The following SORBS2 variants were observed in gnomAD, a reference collection of about 807,000 sequenced individuals.
SORBS2 encodes sorbin and SH3 domain-containing protein 2.
A neutral mutation model predicts 97.7 loss-of-function variants in SORBS2; 46 were observed. The observed-to-expected ratio is 0.47, with a 90% CI of 0.37 to 0.60. The LOEUF is 0.60. SORBS2 is among the 20% of genes least tolerant of loss of function. SORBS2 has a pLI of 0.00. For missense variants in SORBS2, 1,316 were observed against 1,282.3 expected (o/e 1.03, Z -0.40); for synonymous variants, 476 against 473.4 (o/e 1.01, Z -0.07).
chr4:185,590,822 A>G (rs2095909564), intron 13 of SORBS2, among the ~76,000 whole-genome samples: 1 of 152,212 alleles, frequency 6.6e-6, no homozygotes, highest in Non-Finnish European at 1.5e-5. Flanking sequence ...AGTTAACATG[A>G]AAACTTCTTC....
intron 2 of SORBS2, among the ~76,000 whole-genome samples, chr4:185,700,930 GA>G (rs2098252184): frequency 1.3e-5 from 2 of 152,270 alleles, no homozygotes; most frequent in Non-Finnish European, 2.9e-5. Flanking sequence ...AAATAGGCAA[GA>G]AAAACAACAT....
At chr4:185,609,489 G>C (rs993857404) in intron 12 of SORBS2, among the ~76,000 whole-genome samples, 1 of 152,146 alleles carries the variant, frequency 6.6e-6, no homozygotes, top group Non-Finnish European at 1.5e-5. Context: ...ATGTCAGCAG[G>C]TTAAACTGCT....
intron 1 of SORBS2, among the ~76,000 whole-genome samples, chr4:185,783,922 G>A (rs538073696): frequency 6.6e-6 from 1 of 152,284 alleles, no homozygotes; most frequent in African/African-American, 2.4e-5. Context: ...AAGTCAAGTA[G>A]GTAAGAGGTG....
rs527302357 is a variant in SORBS2, at chr4:185,878,627, C to G, written c.-338+77569G>C. Among the ~76,000 whole-genome samples, 3 of 152,308 alleles carry G rather than the reference C, an allele frequency of 2.0e-5. No homozygotes were observed. The South Asian group carries it at 6.2e-4, about 32-fold the overall frequency. ...AAGCCTCCACTCAAGCGGATCTGGT[C>G]TCTGTCCTGGACCCCGGGATTCCTT... On this transcript the variant is annotated intron_variant, in intron 1 of 20. Transcript: ENST00000284776.
chr4:185,935,877 A>G (rs899833986), intron 1 of SORBS2, among the ~76,000 whole-genome samples: 1 of 152,102 alleles, frequency 6.6e-6, no homozygotes, highest in Admixed American at 6.5e-5. Context: ...TCTTTGTGAC[A>G]TGGTCTCACT....
chr4:185,868,147 C>CTTTCTTTCTTTTT (rs1288748201), intron 1 of SORBS2, among the ~76,000 whole-genome samples: 1,170 of 89,372 alleles, frequency 0.013, 159 homozygotes, highest in East Asian at 0.037. Context: ...CTTTTCTTTT[C>CTTTCTTTCTTTTT]TTTTTTTCTT....
Position 185,620,172 on chromosome 4 carries a change from A to G in SORBS2, c.2216-21T>C, listed in dbSNP as rs1011726694. On this transcript the variant is annotated intron_variant, in intron 7 of 14. Transcript: ENST00000418609. Reference sequence around the variant, plus strand: ...ACGGTCTATTGGAAAGAACAGGGCCAGTCATGGTGAGTATCCACTTAATTA... The same window carrying G: ...ACGGTCTATTGGAAAGAACAGGGCCGGTCATGGTGAGTATCCACTTAATTA... 7 of 1,439,248 alleles carry G rather than the reference A, an allele frequency of 4.9e-6. No individual in the cohort carries two copies. In the African/African-American group the frequency reaches 8.4e-5, roughly 17 times the overall value. The allele number at this position is 1,439,248 out of a possible 1,614,324, so 89.2% of individuals were successfully genotyped here. A position where few individuals can be genotyped will look rare whatever the true frequency, so the allele number is the denominator to read the frequency against.
chr4:185,828,200 TC>T (rs1351688969), intron 1 of SORBS2, among the ~76,000 whole-genome samples: 1 of 152,150 alleles, frequency 6.6e-6, no homozygotes. Context: ...TGATAAATCT[TC>T]AGCAGAGGCC....
At chr4:185,731,021 T>C (rs2098618514) in intron 2 of SORBS2, among the ~76,000 whole-genome samples, 1 of 152,268 alleles carries the variant, frequency 6.6e-6, no homozygotes, top group Admixed American at 6.5e-5. Context: ...AAATGACTCA[T>C]GCAAATGACT....
chr4:185,870,193 G>A (rs1234296126), intron 1 of SORBS2, among the ~76,000 whole-genome samples: 3 of 152,102 alleles, frequency 2.0e-5, no homozygotes, highest in East Asian at 1.9e-4. Flanking sequence ...TGTTATTGTC[G>A]TTATCTAGAG....
intron 2 of SORBS2, among the ~76,000 whole-genome samples, chr4:185,737,048 C>T (rs917044354): frequency 2.0e-5 from 3 of 152,192 alleles, no homozygotes; most frequent in Non-Finnish European, 4.4e-5. Context: ...GAGTTTCTAA[C>T]CTCCTTCCCT....
chr4:185,835,652 A>ATTTTT (rs5864964), intron 1 of SORBS2, among the ~76,000 whole-genome samples: 3 of 122,232 alleles, frequency 2.5e-5, no homozygotes, highest in South Asian at 2.6e-4. Context: ...TTTTGAAAGG[A>ATTTTT]TTTTTTTTTT....
At chr4:185,646,580 A>C (rs2097212068) in intron 4 of SORBS2, 88 bp downstream of exon 13, 1 of 725,400 alleles carries the variant, frequency 1.4e-6, no homozygotes, top group African/African-American at 1.8e-5. Context: ...TTGTGACAAA[A>C]ATTGCTAATG....
At chr4:185,921,025 G>T (rs561659153) in intron 1 of SORBS2, among the ~76,000 whole-genome samples, 32 of 152,214 alleles carry the variant, frequency 2.1e-4, no homozygotes, top group Non-Finnish European at 8.8e-5. Context: ...CACCTGAGAG[G>T]CAGAGGGCTG....
chr4:185,943,900 G>A (rs1000364698), intron 1 of SORBS2, among the ~76,000 whole-genome samples: 23 of 152,146 alleles, frequency 1.5e-4, no homozygotes, highest in African/African-American at 5.3e-4. Context: ...ACATGCCCGT[G>A]AGGACCTAGC....
At chr4:185,875,064 C>G (rs181551684) in intron 1 of SORBS2, among the ~76,000 whole-genome samples, 1 of 152,050 alleles carries the variant, frequency 6.6e-6, no homozygotes, top group Non-Finnish European at 1.5e-5. Flanking sequence ...AGTTCTAATA[C>G]CAGGAAGTAT....
intron 1 of SORBS2, among the ~76,000 whole-genome samples, chr4:185,912,835 T>C (rs986234917): frequency 2.6e-5 from 4 of 152,138 alleles, no homozygotes; most frequent in Non-Finnish European, 5.9e-5. Flanking sequence ...GTATGAACAA[T>C]TGGAACTGTT....
chr4:185,901,357 C>A (rs2099247667), intron 1 of SORBS2, among the ~76,000 whole-genome samples: 1 of 152,078 alleles, frequency 6.6e-6, no homozygotes, highest in Admixed American at 6.5e-5. Flanking sequence ...CATGTGCCAC[C>A]ACGGTCGGCT....
intron 1 of SORBS2, among the ~76,000 whole-genome samples, chr4:185,865,045 G>T (rs1016399444): frequency 6.6e-6 from 1 of 152,092 alleles, no homozygotes; most frequent in African/African-American, 2.4e-5. Context: ...TACCTGCCCC[G>T]CCTGGTCCAT....
Sources: gnomAD v4.1 joint callset for allele counts (sites outside exome capture counted in the v4.1 genomes callset) on GRCh38, gnomAD v4.1.1 for gene constraint, MANE v1.5 for transcripts, NCBI Gene and HGNC (gene_info 2026-07-23, HGNC 2026-07-21) for gene names.